The following DPP10 variants were observed in gnomAD, a reference collection of about 807,000 sequenced individuals.
The protein encoded by DPP10 is dipeptidyl peptidase like 10.
Under a neutral mutation model 120.9 loss-of-function variants are expected in DPP10, and 33 were observed. The observed-to-expected ratio is 0.27, with a 90% CI of 0.21 to 0.37. The LOEUF (loss-of-function observed/expected upper bound fraction) is 0.37, where lower values mean the gene tolerates loss of function less well. DPP10 is among the 10% of genes least tolerant of loss of function. The probability of loss-of-function intolerance (pLI) is 1.00; values close to 1 mark genes in which losing one functional copy is unlikely to be tolerated. For synonymous variants in DPP10, 337 were observed against 326.1 expected (o/e 1.03, Z -0.36); for missense variants, 816 against 942.8 (o/e 0.87, Z 1.76).
chr2:115,781,107 A>G, intron 16 of DPP10, 112 bp downstream of exon 16: 1 of 874,776 alleles, frequency 1.1e-6, no homozygotes, highest in East Asian at 3.1e-5. Context: ...TAATTTATAA[A>G]TTTTTGTTAA....
chr2:114,715,465 T>C (rs868126557), intron 1 of DPP10, among the ~76,000 whole-genome samples: 2 of 152,070 alleles, frequency 1.3e-5, no homozygotes, highest in Non-Finnish European at 2.9e-5. Context: ...GTTGTTGAAA[T>C]AACTTTGAAT....
chr2:115,741,554 T>C (rs1677280853), intron 9 of DPP10, among the ~76,000 whole-genome samples: 1 of 152,016 alleles, frequency 6.6e-6, no homozygotes, highest in South Asian at 2.1e-4. Flanking sequence ...TGATAATAAA[T>C]GTTCACCTGA....
At chr2:115,480,303 C>T (rs957560521) in intron 3 of DPP10, among the ~76,000 whole-genome samples, 1 of 152,088 alleles carries the variant, frequency 6.6e-6, no homozygotes, top group Non-Finnish European at 1.5e-5. Flanking sequence ...AAATGTCTAA[C>T]AAAATGTCCT....
intron 5 of DPP10, among the ~76,000 whole-genome samples, chr2:115,574,849 C>T (rs1387749061): frequency 6.6e-6 from 1 of 152,174 alleles, no homozygotes; most frequent in East Asian, 1.9e-4. Flanking sequence ...TTCTCTGCAG[C>T]AGTGTTGTCC....
intron 1 of DPP10, chr2:115,162,096 C>T: frequency 1.3e-6 from 2 of 1,502,072 alleles, no homozygotes; most frequent in African/African-American, 1.5e-5. Context: ...CCGCCCGCCT[C>T]CCGCTTCCCA....
chr2:115,695,470 A>T (rs1019284479), intron 7 of DPP10, among the ~76,000 whole-genome samples: 5 of 152,110 alleles, frequency 3.3e-5, no homozygotes, highest in Admixed American at 2.6e-4. Context: ...GCAAAGGAAG[A>T]GCAAAGTCAC....
chr2:115,603,193 G>A (rs887729700), intron 5 of DPP10, among the ~76,000 whole-genome samples: 1 of 150,284 alleles, frequency 6.7e-6, no homozygotes, highest in East Asian at 2.0e-4. Context: ...AGTTGAATGT[G>A]TTCTTTGGAG....
chr2:115,371,667 G>A (rs1182601111), intron 3 of DPP10, among the ~76,000 whole-genome samples: 7 of 151,992 alleles, frequency 4.6e-5, no homozygotes, highest in Non-Finnish European at 8.8e-5. Flanking sequence ...TAAGAATGCT[G>A]TGATGTTAAT....
chr2:115,222,266 A>G (rs1231988883), intron 1 of DPP10, among the ~76,000 whole-genome samples: 1 of 152,152 alleles, frequency 6.6e-6, no homozygotes, highest in Non-Finnish European at 1.5e-5. Flanking sequence ...TGCTCACCCA[A>G]CCAGAGGCAT....
chr2:115,715,214 C>T (rs2092451323), intron 7 of DPP10, among the ~76,000 whole-genome samples: 1 of 151,102 alleles, frequency 6.6e-6, no homozygotes, highest in Admixed American at 6.6e-5. Flanking sequence ...TGGCACATGC[C>T]TGTAATCCCA....
Position 115,708,928 on chromosome 2 carries a change from T to C in DPP10, c.577-18888T>C, listed in dbSNP as rs555721040. On this transcript the variant is annotated intron_variant, in intron 7 of 25. Coordinates refer to ENST00000410059, the MANE Select transcript of DPP10 (RefSeq NM_020868.6). ...AGAGCAATCACAATGAAAAGAACTT[T>C]GACTAAAATTGAATAAATGGTTTTA... 3.0e-4 allele frequency among the ~76,000 whole-genome samples: 46 copies of C among 152,208 alleles called. 1 individual carries two copies. Among genetic ancestry groups the C allele is most frequent in the African/African-American group, 9.6e-4 (40 of 41,564 alleles).
Position 115,468,288 on chromosome 2 carries a change from A to G in DPP10, c.272-31222A>G, listed in dbSNP as rs2074458390. On this transcript the variant is annotated intron_variant, in intron 3 of 25. Coordinates refer to ENST00000410059, the MANE Select transcript of DPP10 (RefSeq NM_020868.6). ...AACTGATGTCAGTGTCATGTCCTCC[A>G]GGAATACTGGCCAGAGGGCTCTGCC... is the stretch of plus-strand genomic sequence containing the variant. 7.8e-6 allele frequency: 4 copies of G among 512,818 alleles called. No individual in the cohort carries two copies. In the East Asian group the frequency reaches 1.7e-4, roughly 21 times the overall value. The allele number at this position is 512,818 out of a possible 1,614,324, so 31.8% of individuals were successfully genotyped here. A position where few individuals can be genotyped will look rare whatever the true frequency, so the allele number is the denominator to read the frequency against.
chr2:115,317,552 C>T (rs2061853885), intron 2 of DPP10, among the ~76,000 whole-genome samples: 1 of 151,984 alleles, frequency 6.6e-6, no homozygotes, highest in South Asian at 2.1e-4. Context: ...TTTGCCACAG[C>T]AGCTGAACCA....
chr2:115,341,461 C>T (rs2063443333), intron 2 of DPP10, among the ~76,000 whole-genome samples: 1 of 152,106 alleles, frequency 6.6e-6, no homozygotes, highest in African/African-American at 2.4e-5. Flanking sequence ...ATTGACACAT[C>T]ATTGTCACCC....
At chr2:115,531,153 T>TC (rs2078440651) in intron 5 of DPP10, among the ~76,000 whole-genome samples, 1 of 151,802 alleles carries the variant, frequency 6.6e-6, no homozygotes, top group African/African-American at 2.4e-5. Flanking sequence ...ATTGAGTTTT[T>TC]TTTTTTTTTT....
intron 7 of DPP10, among the ~76,000 whole-genome samples, chr2:115,715,403 C>T (rs182292070): frequency 2.4e-4 from 36 of 151,286 alleles, no homozygotes; most frequent in African/African-American, 8.7e-4. Context: ...AACTTGTTGG[C>T]CCAGCTAAAA....
chr2:114,889,759 C>T (rs1468307052), intron 1 of DPP10, among the ~76,000 whole-genome samples: 2 of 152,134 alleles, frequency 1.3e-5, no homozygotes, highest in African/African-American at 4.8e-5. Context: ...CACAATAGTA[C>T]TTTAAGACAT....
chr2:115,259,524 C>T (rs1205553469), intron 1 of DPP10, among the ~76,000 whole-genome samples: 1 of 151,408 alleles, frequency 6.6e-6, no homozygotes, highest in East Asian at 1.9e-4. Context: ...AAAAGAAACA[C>T]ACTTCATTTA....
chr2:115,796,094 C>T (rs1684497139), intron 19 of DPP10, among the ~76,000 whole-genome samples: 1 of 152,038 alleles, frequency 6.6e-6, no homozygotes, highest in Non-Finnish European at 1.5e-5. Context: ...CTATTTTTCT[C>T]TTCGTTTTTA....
Sources: gnomAD v4.1 joint callset for allele counts (sites outside exome capture counted in the v4.1 genomes callset) on GRCh38, gnomAD v4.1.1 for gene constraint, MANE v1.5 for transcripts, NCBI Gene and HGNC (gene_info 2026-07-23, HGNC 2026-07-21) for gene names.